Variants in ARSD observed in about 807,000 individuals in gnomAD.
ARSD encodes the protein arylsulfatase D, also known as testis tissue sperm-binding protein Li 39a.
A neutral mutation model predicts 32.6 loss-of-function variants in ARSD; 21 were observed. The ratio of observed to expected loss-of-function variants is 0.64; its 90% CI spans 0.46 to 0.93. The LOEUF is 0.93. Among genes scored for constraint, ARSD ranks in the 40% least tolerant of loss-of-function variants. The probability of loss-of-function intolerance (pLI) is 0.00; values close to 1 mark genes in which losing one functional copy is unlikely to be tolerated. For missense variants in ARSD, 454 were observed against 520.9 expected, an observed-to-expected ratio of 0.87 and a Z score of 1.25; for synonymous variants, 224 against 237.4, an observed-to-expected ratio of 0.94 and a Z score of 0.52.
rs775541984 is a variant in ARSD, at chrX:2,921,957, G to T, written c.262C>A (p.Leu88Ile). The change falls in exon 3 of 10, where the codon CTC becomes ATC. Residue 88 changes from leucine to isoleucine, a missense_variant. Around this residue, in one of 3 missense-constraint regions of ARSD, gnomAD observed 271 missense variants for 301.0 expected, o/e 0.90. Coordinates refer to ENST00000381154, the MANE Select transcript of ARSD (RefSeq NM_001669.4). ...RLTQHLAAAP[L>I]CTPSRAAFLT... ...AATGCAGCTCGGCTTGGGGTGCAGA[G>T]CGGGGCGGCCGCCAGGTGCTGAGTG... 2 of 1,211,252 alleles carry T rather than the reference G, an allele frequency of 1.7e-6. No individual in the cohort carries two copies. The highest frequency in any genetic ancestry group is 2.2e-5 in the Admixed American group (1 of 45,995).
intron 2 of ARSD, among the ~76,000 whole-genome samples, chrX:2,922,786 C>T (rs1415199611): frequency 1.1e-4 from 10 of 87,799 alleles, no homozygotes; most frequent in African/African-American, 4.7e-4. Flanking sequence ...TGCAGTAAGC[C>T]GAGATTGCAC....
Position 2,925,467 on chromosome X carries a change from A to G in ARSD, c.194+149T>C. ...ATTCACCCCCTCACCGCAGTTCCGC[A>G]TGGTTTAAAAGGGCCTTTTTACCTG... On this transcript the variant is annotated intron_variant, in intron 2 of 9. Coordinates refer to ENST00000381154, the MANE Select transcript of ARSD (RefSeq NM_001669.4). The G allele has an allele frequency of 5.1e-6, 3 of 587,814 alleles. No homozygotes were observed. The South Asian group carries it at 1.2e-4, about 23-fold the overall frequency. The allele number at this position is 587,814 out of a possible 1,213,427, so 48.4% of individuals were successfully genotyped here.
In ARSD at chrX:2,918,249, A is replaced by T. The variant is rs759310648; in HGVS notation, c.440-22T>A. 13 of 1,127,325 alleles carry T rather than the reference A, an allele frequency of 1.2e-5. 1 individual carries two copies. In the African/African-American group the frequency reaches 2.2e-4, roughly 19 times the overall value. The allele number at this position is 1,127,325 out of a possible 1,213,427, so 92.9% of individuals were successfully genotyped here. A position where few individuals can be genotyped will look rare whatever the true frequency, so the allele number is the denominator to read the frequency against. On this transcript the variant is annotated intron_variant, in intron 4 of 9. Transcript: ENST00000381154. ...TTTCCTAAAAGAAACGCAAATGTTC[A>T]ACAGAGACCCGCTTTGAAGCAGCCC...
chrX:2,926,688 T>C (rs911501202), intron 1 of ARSD, among the ~76,000 whole-genome samples: 2 of 112,349 alleles, frequency 1.8e-5, no homozygotes, highest in African/African-American at 6.5e-5. Flanking sequence ...AACAGAAGAT[T>C]TGAGTAAGCA....
At position 2,904,918 on chromosome X, in the gene ARSD, T is replaced by G. The variant is rs1041779320; in HGVS notation, c.*2353A>C. 1.1e-5 allele frequency: 3 copies of G among 268,182 alleles called. No individual in the cohort carries two copies. The highest frequency in any genetic ancestry group is 2.1e-5 in the Non-Finnish European group (3 of 142,316). 22.1% of individuals were successfully genotyped at this position (268,182 alleles called of 1,213,427 possible). On this transcript the variant is annotated 3_prime_UTR_variant, in exon 10 of 10. Transcript: ENST00000381154. ...ATAGATGTTTCTTTTTTTTTTTTTT[T>G]TTAATCATTTTTTGGTTATGCCAGG...
chrX:2,922,130 T>A, intron 2 of ARSD, 106 bp from the exon 3 acceptor site: 1 of 1,010,023 alleles, frequency 9.9e-7, no homozygotes, highest in East Asian at 3.2e-5. Flanking sequence ...CTTCACCGGA[T>A]TTCAGAATTA....
At position 2,907,093 on chromosome X, in the gene ARSD, A is replaced by G. The variant is rs5939146; in HGVS notation, c.*178T>C. The G allele has an allele frequency of 0.096, 43,165 of 447,581 alleles. 3,282 individuals carry two copies. Among genetic ancestry groups the G allele is most frequent in the East Asian group, 0.38 (9,253 of 24,270 alleles). 36.9% of individuals were successfully genotyped at this position (447,581 alleles called of 1,213,427 possible). On this transcript the variant is annotated 3_prime_UTR_variant, in exon 10 of 10. Transcript: ENST00000381154. ...GATCGTGCCATTGCATTCCAGCCTG[A>G]GGGACAGAGCGACACTCTGTCTCAA...
chrX:2,927,386 A>G (rs1023818660), intron 1 of ARSD, among the ~76,000 whole-genome samples: 3 of 110,616 alleles, frequency 2.7e-5, no homozygotes, highest in Non-Finnish European at 5.7e-5. Context: ...CAGCCTCCTG[A>G]GTAGCTGGGA....
intron 1 of ARSD, among the ~76,000 whole-genome samples, chrX:2,926,395 C>T (rs1425079516): frequency 5.4e-5 from 6 of 111,919 alleles, no homozygotes; most frequent in Admixed American, 4.7e-4. Flanking sequence ...TTAAGAATTC[C>T]TTCGTTATCT....
At position 2,906,942 on chromosome X, in the gene ARSD, T is replaced by C. The variant is rs1460224495; in HGVS notation, c.*329A>G. ...CTGGGCAACATGGTGAAACCCTGTC[T>C]CTACTAAAACTACAAAAATTAGCTA... On this transcript the variant is annotated 3_prime_UTR_variant, in exon 10 of 10. Transcript: ENST00000381154. 6.1e-6 allele frequency: 1 copy of C among 163,973 alleles called. No homozygotes were observed. Among genetic ancestry groups the C allele is most frequent in the Non-Finnish European group, 1.1e-5 (1 of 87,669 alleles). 13.5% of individuals were successfully genotyped at this position (163,973 alleles called of 1,213,427 possible). A position where few individuals can be genotyped will look rare whatever the true frequency, so the allele number is the denominator to read the frequency against.
chrX:2,915,681 C>A lies in ARSD; in HGVS notation c.875G>T (p.Gly292Val). The A allele has an allele frequency of 2.5e-6, 3 of 1,210,191 alleles. No homozygotes were observed. Among genetic ancestry groups the A allele is most frequent in the Non-Finnish European group, 3.4e-6 (3 of 894,592 alleles). Reference sequence around the variant, plus strand: ...CAAAGAAAGGAAGAGGAGAAATGGCCCATGCTTGTGTCTGAAAGAAGAAAA... The same window carrying A: ...CAAAGAAAGGAAGAGGAGAAATGGCACATGCTTGTGTCTGAAAGAAGAAAA... ...AVSYIERHKHGPFLLFLSLLH... is the reference protein window; with the variant it reads ...AVSYIERHKHVPFLLFLSLLH... Residue 292 changes from glycine to valine, a missense_variant, in exon 6 of 10, where the codon GGG (glycine) becomes GTG (valine). Physicochemically the swap from Gly to Val is moderately radical, Grantham distance 109. Around this residue, in one of 3 missense-constraint regions of ARSD, gnomAD observed 271 missense variants for 301.0 expected, o/e 0.90. Transcript: ENST00000381154.
intron 5 of ARSD, among the ~76,000 whole-genome samples, 156 bp downstream of exon 5, chrX:2,917,648 A>T (rs149330126): frequency 7.6e-4 from 83 of 109,737 alleles, no homozygotes; most frequent in African/African-American, 2.7e-3. Context: ...TAATGATTTT[A>T]TTTATTGTAG....
chrX:2,924,809 G>T (rs750229885), intron 2 of ARSD, among the ~76,000 whole-genome samples: 1 of 112,096 alleles, frequency 8.9e-6, no homozygotes, highest in Non-Finnish European at 1.9e-5. Flanking sequence ...AGGGGAGAAG[G>T]CCGCATGGGG....
In ARSD at chrX:2,922,051, T is replaced by C. The variant is rs191038751; in HGVS notation, c.195-27A>G. On this transcript the variant is annotated intron_variant, in intron 2 of 9. Coordinates refer to ENST00000381154, the MANE Select transcript of ARSD (RefSeq NM_001669.4). ...TGAGCAAAGCACACAAATGTCATTG[T>C]TGGAAGGGAGACATGCATTTGGCTT... The C allele has an allele frequency of 6.6e-5, 78 of 1,179,335 alleles. No individual in the cohort carries two copies. In the East Asian group the frequency reaches 2.3e-3, roughly 34 times the overall value.
intron 6 of ARSD, among the ~76,000 whole-genome samples, chrX:2,911,542 A>C (rs1360680669): frequency 4.5e-4 from 46 of 102,067 alleles, no homozygotes; most frequent in African/African-American, 1.6e-3. Context: ...TGGTGGCGGG[A>C]GACTGTAGTC....
rs766382401 is a variant in ARSD at position 2,920,466 on chromosome X, G to A, written c.439+135C>T. 2.6e-5 allele frequency: 25 copies of A among 966,581 alleles called. 1 individual carries two copies. The East Asian group carries it at 7.6e-4, about 30-fold the overall frequency. The allele number at this position is 966,581 out of a possible 1,213,427, so 79.7% of individuals were successfully genotyped here. A position where few individuals can be genotyped will look rare whatever the true frequency, so the allele number is the denominator to read the frequency against. On this transcript the variant is annotated intron_variant, in intron 4 of 9. Transcript: ENST00000381154. ...GCTCCCTGCAACCTCCGCTTCCCGG[G>A]TTCAAGCGATTCTCCTGCCTCAGCC...
chrX:2,924,653 C>A (rs1337172745), intron 2 of ARSD, among the ~76,000 whole-genome samples: 2 of 112,712 alleles, frequency 1.8e-5, no homozygotes, highest in Non-Finnish European at 3.8e-5. Context: ...TGCTGACCCC[C>A]CAAACCTGTG....
In ARSD at chrX:2,909,890, C is replaced by T. The variant is rs143304678; in HGVS notation, c.1225G>A (p.Gly409Arg). The T allele has an allele frequency of 1.6e-5, 19 of 1,208,445 alleles. No homozygotes were observed. In the African/African-American group the frequency reaches 3.2e-4, roughly 20 times the overall value. The stretch of plus-strand genomic sequence containing the variant: ...ACGTCCATCAGGCTCGTGGGCTCTC[C>T]AATCACTCGGCCGGCCGGGAGCACC... ...PGVLPAGRVI[G>R]EPTSLMDVFP... The change falls in exon 8 of 10, where the codon GGA becomes AGA. Residue 409 changes from glycine to arginine, a missense_variant. Gly to Arg is a moderately radical substitution (Grantham distance 125, BLOSUM62 -2). Transcript: ENST00000381154.
chrX:2,915,721 C>T (rs758503934), intron 5 of ARSD, 29 bp from the exon 6 acceptor site: 5 of 1,192,138 alleles, frequency 4.2e-6, no homozygotes, highest in Non-Finnish European at 4.5e-6. Flanking sequence ...CTTGAGAATA[C>T]ACAGAATATA....
Sources: gnomAD v4.1 joint callset for allele counts (sites outside exome capture counted in the v4.1 genomes callset) on GRCh38, gnomAD v4.1.1 for gene constraint, gnomAD v4.1.1 regional missense constraint, MANE v1.5 for transcripts, NCBI Gene and HGNC (gene_info 2026-07-23, HGNC 2026-07-21) for gene names.